Variants in ZNF438 observed in about 807,000 individuals in gnomAD.
ZNF438 encodes zinc finger protein 438.
Under a neutral mutation model 38.0 loss-of-function variants are expected in ZNF438, and 25 were observed. The ratio of observed to expected loss-of-function variants is 0.66; its 90% CI spans 0.48 to 0.92. The LOEUF is 0.92. Among genes scored for constraint, ZNF438 ranks in the 40% least tolerant of loss-of-function variants. The probability of loss-of-function intolerance (pLI) is 0.00; values close to 1 mark genes in which losing one functional copy is unlikely to be tolerated. For missense variants in ZNF438, 1,007 were observed against 999.6 expected (o/e 1.01, Z -0.10); for synonymous variants, 372 against 364.1 (o/e 1.02, Z -0.25).
intron 1 of ZNF438, among the ~76,000 whole-genome samples, chr10:30,955,811 G>A (rs2048803280): frequency 6.6e-6 from 1 of 152,118 alleles, no homozygotes; most frequent in African/African-American, 2.4e-5. Flanking sequence ...GTTGATTTTT[G>A]TAACTTATTA....
intron 1 of ZNF438, among the ~76,000 whole-genome samples, chr10:31,000,861 T>A (rs968547402): frequency 1.1e-4 from 16 of 152,128 alleles, no homozygotes; most frequent in Non-Finnish European, 2.2e-4. Flanking sequence ...TCATGTCATA[T>A]CCCTCTCCAA....
chr10:30,854,787 G>C (rs563210072), intron 4 of ZNF438, among the ~76,000 whole-genome samples: 6 of 152,114 alleles, frequency 3.9e-5, no homozygotes, highest in African/African-American at 9.7e-5. Flanking sequence ...GAGGAAGAGT[G>C]GGGGGATTAG....
intron 3 of ZNF438, among the ~76,000 whole-genome samples, chr10:30,878,768 G>A (rs749743305): frequency 2.6e-5 from 4 of 152,180 alleles, no homozygotes; most frequent in Non-Finnish European, 4.4e-5. Flanking sequence ...CACAGGGTGT[G>A]CATGGAGCTT....
intron 1 of ZNF438, among the ~76,000 whole-genome samples, chr10:30,993,923 AAGATGTAAT>A (rs1196535561): frequency 6.6e-6 from 1 of 152,254 alleles, no homozygotes; most frequent in Non-Finnish European, 1.5e-5. Context: ...CTCCAGCTGT[AAGATGTAAT>A]GCTGTTTTCC....
intron 3 of ZNF438, among the ~76,000 whole-genome samples, chr10:30,887,023 T>C (rs1310572791): frequency 1.3e-5 from 2 of 152,182 alleles, no homozygotes; most frequent in African/African-American, 4.8e-5. Flanking sequence ...AATTCCTATA[T>C]ATTGCAAATG....
At chr10:30,898,699 G>A (rs1435013161) in intron 3 of ZNF438, among the ~76,000 whole-genome samples, 1 of 152,002 alleles carries the variant, frequency 6.6e-6, no homozygotes, top group African/African-American at 2.4e-5. Flanking sequence ...TGATTTTCAA[G>A]TAGTCTTTTT....
At chr10:30,914,299 G>A (rs1169599806) in intron 2 of ZNF438, among the ~76,000 whole-genome samples, 2 of 152,016 alleles carry the variant, frequency 1.3e-5, no homozygotes, top group African/African-American at 4.8e-5. Context: ...TGGTTGCCAG[G>A]GGTTAGGGAC....
At chr10:30,980,879 G>A (rs2052050042) in intron 1 of ZNF438, among the ~76,000 whole-genome samples, 2 of 152,176 alleles carry the variant, frequency 1.3e-5, no homozygotes, top group African/African-American at 4.8e-5. Flanking sequence ...AAACTATGAA[G>A]TCCATAGCCA....
intron 4 of ZNF438, among the ~76,000 whole-genome samples, chr10:30,850,720 T>TCC (rs1474709024): frequency 2.6e-5 from 4 of 152,180 alleles, no homozygotes; most frequent in Non-Finnish European, 4.4e-5. Context: ...ATTTAACCTA[T>TCC]CCCCACTCAT....
At chr10:30,897,562 C>G (rs1428141175) in intron 3 of ZNF438, among the ~76,000 whole-genome samples, 1 of 152,344 alleles carries the variant, frequency 6.6e-6, no homozygotes. Flanking sequence ...GCCACCTCCA[C>G]TCCCCAGGCT....
At chr10:30,974,735 AC>A (rs1385844246) in intron 1 of ZNF438, among the ~76,000 whole-genome samples, 1 of 152,158 alleles carries the variant, frequency 6.6e-6, no homozygotes, top group African/African-American at 2.4e-5. Flanking sequence ...TTGAGTAGAA[AC>A]CTCCTTGTTC....
intron 1 of ZNF438, among the ~76,000 whole-genome samples, chr10:30,947,509 C>G (rs1449170398): frequency 6.7e-6 from 1 of 149,514 alleles, no homozygotes; most frequent in Non-Finnish European, 1.5e-5. Context: ...AGAGGTGGAG[C>G]CTACAGAGGG....
chr10:30,862,877 T>C (rs1204816415), intron 4 of ZNF438, among the ~76,000 whole-genome samples: 3 of 152,224 alleles, frequency 2.0e-5, no homozygotes, highest in African/African-American at 4.8e-5. Flanking sequence ...AAGATATCGC[T>C]TTTATACTAT....
intron 1 of ZNF438, among the ~76,000 whole-genome samples, chr10:31,015,929 C>A (rs986361162): frequency 3.3e-5 from 5 of 152,186 alleles, no homozygotes; most frequent in African/African-American, 1.2e-4. Context: ...TCTATCTGAT[C>A]AGGGGTCCAT....
At chr10:30,874,725 T>C (rs1677657100) in intron 4 of ZNF438, among the ~76,000 whole-genome samples, 1 of 151,718 alleles carries the variant, frequency 6.6e-6, no homozygotes, top group East Asian at 1.9e-4. Flanking sequence ...GTATGTTTGA[T>C]GAGAGAAAAA....
At chr10:30,877,551 T>C (rs535222899) in intron 3 of ZNF438, among the ~76,000 whole-genome samples, 2 of 152,268 alleles carry the variant, frequency 1.3e-5, no homozygotes, top group East Asian at 3.9e-4. Flanking sequence ...TGGATAAACA[T>C]GGATGAACAT....
intron 1 of ZNF438, among the ~76,000 whole-genome samples, chr10:31,023,282 T>C (rs1408987807): frequency 6.6e-6 from 1 of 152,238 alleles, no homozygotes; most frequent in East Asian, 1.9e-4. Flanking sequence ...TCGGCATCTA[T>C]CAAGACTAAT....
Position 31,019,748 on chromosome 10 carries a change from C to G in ZNF438, c.-192+12085G>C, listed in dbSNP as rs192345655. ...AAATAATTGTTGTTTTTTGTAGAAG[C>G]GTGTCCTGCATATTGCATGGCCCAT... On this transcript the variant is annotated intron_variant, in intron 1 of 5. Coordinates refer to ENST00000413025, the Ensembl canonical transcript of ZNF438. Among the ~76,000 whole-genome samples the G allele has an allele frequency of 1.1e-4, 16 of 152,270 alleles. No individual in the cohort carries two copies. In the East Asian group the frequency reaches 2.9e-3, roughly 27 times the overall value.
intron 1 of ZNF438, among the ~76,000 whole-genome samples, chr10:30,990,609 G>A (rs1023097885): frequency 6.6e-6 from 1 of 152,146 alleles, no homozygotes; most frequent in African/African-American, 2.4e-5. Context: ...AACTGCCAAA[G>A]GAATCAAATC....
Sources: gnomAD v4.1 joint callset for allele counts (sites outside exome capture counted in the v4.1 genomes callset) on GRCh38, gnomAD v4.1.1 for gene constraint, MANE v1.5 for transcripts, NCBI Gene and HGNC (gene_info 2026-07-23, HGNC 2026-07-21) for gene names.